SEC63: variants seen among roughly 807,000 people sequenced by gnomAD.
SEC63 encodes SEC63 protein translocation regulator.
Under a neutral mutation model 116.2 loss-of-function variants are expected in SEC63, and 56 were observed. That is an observed-to-expected ratio of 0.48 (90% CI 0.39 to 0.60). The LOEUF (loss-of-function observed/expected upper bound fraction) is 0.60, where lower values mean the gene tolerates loss of function less well. Ranked by LOEUF, SEC63 falls within the 20% of genes least tolerant of loss-of-function variation. The pLI is 0.00. For missense variants in SEC63, 668 were observed against 900.0 expected, an observed-to-expected ratio of 0.74 and a Z score of 3.30; for synonymous variants, 273 against 294.6, an observed-to-expected ratio of 0.93 and a Z score of 0.75.
chr6:107,901,231 G>A, intron 13 of SEC63, 139 bp downstream of exon 13: 3 of 827,204 alleles, frequency 3.6e-6, no homozygotes, highest in Non-Finnish European at 6.1e-6. Flanking sequence ...TAGTAAATCT[G>A]ACAGGTAAAC....
rs770240702 is a variant in SEC63, at chr6:107,893,899, T to TG, written c.1441-3dup. On this transcript the variant is annotated splice_region_variant and splice_polypyrimidine_tract_variant and intron_variant, in intron 14 of 20. Coordinates refer to ENST00000369002, the MANE Select transcript of SEC63 (RefSeq NM_007214.5). Reference sequence around the variant, plus strand: ...GGACTGCTCCTTTTCAAATACTTCCTGGGGGGCGGCAAGAAGAGAAATACA... The same window carrying TG: ...GGACTGCTCCTTTTCAAATACTTCCTGGGGGGGCGGCAAGAAGAGAAATACA... 36 of 1,613,838 alleles carry TG rather than the reference T, an allele frequency of 2.2e-5. No individual in the cohort carries two copies. The highest frequency in any genetic ancestry group is 6.7e-5 in the East Asian group (3 of 44,882).
chr6:107,934,962 C>G (rs1279918726), intron 1 of SEC63, among the ~76,000 whole-genome samples: 15 of 107,110 alleles, frequency 1.4e-4, no homozygotes, highest in Non-Finnish European at 1.9e-4. Flanking sequence ...AGCCCCCTGC[C>G]CGGCCAGCCG....
chr6:107,892,191 G>A (rs1364588546), intron 16 of SEC63, among the ~76,000 whole-genome samples: 1 of 152,062 alleles, frequency 6.6e-6, no homozygotes, highest in Non-Finnish European at 1.5e-5. Context: ...GGGAGGTGGG[G>A]TTTTATCTAT....
chr6:107,953,569 TG>T (rs555871759), intron 1 of SEC63, among the ~76,000 whole-genome samples: 3 of 80,884 alleles, frequency 3.7e-5, no homozygotes, highest in South Asian at 4.0e-4. Flanking sequence ...GGGAGGGAGG[TG>T]GGGGGGTCAG....
chr6:107,873,014 G>C (rs1425104298), intron 19 of SEC63, 102 bp from the exon 20 acceptor site: 5 of 748,418 alleles, frequency 6.7e-6, no homozygotes, highest in Non-Finnish European at 7.2e-6. Context: ...GGTTTTTTCT[G>C]CAGATGATAC....
chr6:107,881,115 G>A, intron 18 of SEC63, 34 bp downstream of exon 18: 1 of 1,413,000 alleles, frequency 7.1e-7, no homozygotes, highest in Non-Finnish European at 1.0e-6. Context: ...AAAGTGAATG[G>A]AATAAGGAAC....
At chr6:107,928,218 C>T (rs2114485972) in intron 2 of SEC63, among the ~76,000 whole-genome samples, 1 of 152,282 alleles carries the variant, frequency 6.6e-6, no homozygotes. Flanking sequence ...CAAGGTGGCT[C>T]ACGCCTGTGA....
At chr6:107,903,226 C>T (rs533637530) in intron 11 of SEC63, among the ~76,000 whole-genome samples, 1 of 152,046 alleles carries the variant, frequency 6.6e-6, no homozygotes, top group Non-Finnish European at 1.5e-5. Context: ...AAATTATTTG[C>T]CTCACCTCAA....
intron 13 of SEC63, among the ~76,000 whole-genome samples, chr6:107,901,103 A>C (rs1293675188): frequency 2.0e-5 from 3 of 152,226 alleles, no homozygotes; most frequent in Non-Finnish European, 4.4e-5. Context: ...GAAAGTTAAG[A>C]AATTGCTAAA....
At chr6:107,912,613 A>G in intron 6 of SEC63, 103 bp downstream of exon 6, 3 of 734,984 alleles carry the variant, frequency 4.1e-6, no homozygotes, top group Non-Finnish European at 7.4e-6. Flanking sequence ...ATGGCACACC[A>G]GTATTTTCTT....
At position 107,912,478 on chromosome 6, in the gene SEC63, C is replaced by T. The variant is rs184657069; in HGVS notation, c.573+238G>A. Among the ~76,000 whole-genome samples, 990 of 152,038 alleles carry T rather than the reference C, an allele frequency of 6.5e-3. 12 individuals carry two copies. Among genetic ancestry groups the T allele is most frequent in the Non-Finnish European group, 0.011 (774 of 67,958 alleles). Reference sequence around the variant, plus strand: ...GGTACCTGTAATCCCAGCTACTCAGCGGGGGCTGAGGCAGGAGAATCGCTT... The same window carrying T: ...GGTACCTGTAATCCCAGCTACTCAGTGGGGGCTGAGGCAGGAGAATCGCTT... On this transcript the variant is annotated intron_variant, in intron 6 of 20. Transcript: ENST00000369002.
At chr6:107,904,293 C>T (rs1442858236) in intron 11 of SEC63, among the ~76,000 whole-genome samples, 1 of 151,200 alleles carries the variant, frequency 6.6e-6, no homozygotes, top group African/African-American at 2.4e-5. Context: ...GCCTGTAATC[C>T]CAGCTGCTCA....
At chr6:107,890,582 C>A (rs777452298) in intron 16 of SEC63, among the ~76,000 whole-genome samples, 1 of 152,098 alleles carries the variant, frequency 6.6e-6, no homozygotes, top group Non-Finnish European at 1.5e-5. Flanking sequence ...AAGGTTAATA[C>A]TGTTATGTGT....
At chr6:107,885,052 A>C (rs923865966) in intron 16 of SEC63, among the ~76,000 whole-genome samples, 1 of 152,202 alleles carries the variant, frequency 6.6e-6, no homozygotes, top group Non-Finnish European at 1.5e-5. Context: ...ACTTACACCT[A>C]ACATCACATT....
intron 1 of SEC63, among the ~76,000 whole-genome samples, chr6:107,938,742 G>T (rs1300132069): frequency 6.6e-6 from 1 of 151,672 alleles, no homozygotes; most frequent in Non-Finnish European, 1.5e-5. Context: ...TTTTAGTAGA[G>T]ATGGGGTTTC....
At chr6:107,921,028 T>C (rs568898607) in intron 4 of SEC63, among the ~76,000 whole-genome samples, 2 of 152,244 alleles carry the variant, frequency 1.3e-5, no homozygotes, top group African/African-American at 4.8e-5. Context: ...AAAATCCACA[T>C]CTCAACAAGT....
At chr6:107,890,202 T>G (rs906649463) in intron 16 of SEC63, among the ~76,000 whole-genome samples, 6 of 152,216 alleles carry the variant, frequency 3.9e-5, no homozygotes, top group Non-Finnish European at 7.3e-5. Context: ...TGTGGGAGTC[T>G]AAGCCTCTTT....
intron 7 of SEC63, 58 bp downstream of exon 7, chr6:107,911,288 C>A: frequency 8.5e-7 from 1 of 1,179,022 alleles, no homozygotes; most frequent in East Asian, 2.3e-5. Context: ...TAGGGAGACT[C>A]CAAAACATGT....
intron 14 of SEC63, 105 bp downstream of exon 14, chr6:107,897,544 T>C (rs1158040474): frequency 2.3e-5 from 19 of 838,886 alleles, no homozygotes; most frequent in South Asian, 1.5e-5. Context: ...TTTGCAAAAT[T>C]AGATCTTGGT....
Sources: gnomAD v4.1 joint callset for allele counts (sites outside exome capture counted in the v4.1 genomes callset) on GRCh38, gnomAD v4.1.1 for gene constraint, MANE v1.5 for transcripts, NCBI Gene and HGNC (gene_info 2026-07-23, HGNC 2026-07-21) for gene names.